The following SMAD6 variants were observed in gnomAD, a reference collection of about 807,000 sequenced individuals.
SMAD6 encodes the protein MAD homolog 6.
In SMAD6, 103 loss-of-function variants were observed where a neutral mutation model predicts 39.4. That is an observed-to-expected ratio of 2.62 (90% CI 2.23 to 3.08). SMAD6 has a LOEUF of 3.08. SMAD6 is among the 30% of genes most tolerant of loss of function. SMAD6 has a pLI of 0.00. For missense variants in SMAD6, 1,104 were observed against 742.9 expected, an observed-to-expected ratio of 1.49 and a Z score of -5.65; for synonymous variants, 445 against 353.3, an observed-to-expected ratio of 1.26 and a Z score of -2.91.
chr15:66,711,585 G>A, intron 1 of SMAD6, 83 bp from the exon 2 acceptor site: 4 of 1,070,254 alleles, frequency 3.7e-6, no homozygotes, highest in Non-Finnish European at 5.8e-6. Flanking sequence ...TTATTATTTG[G>A]GAAACCAGTA....
rs144403747 is a variant in SMAD6 at position 66,716,485 on chromosome 15, G to A, written c.939G>A (p.Pro313=). The part of the protein sequence containing the change: ...TEATNSLITA[P]GEFSDASMSP... ...CTACCAACTCCCTCATCACTGCTCCGGGTGAATTCTCAGGTCAGCATTTTT... is the reference window on the plus strand; with the variant it reads ...CTACCAACTCCCTCATCACTGCTCCAGGTGAATTCTCAGGTCAGCATTTTT... The change falls in exon 3 of 4, where the codon CCG becomes CCA. Residue 313 remains proline (P), a synonymous_variant. Coordinates refer to ENST00000288840, the MANE Select transcript of SMAD6 (RefSeq NM_005585.5). 3.3e-5 allele frequency: 53 copies of A among 1,612,508 alleles called. No homozygotes were observed. The African/African-American group carries it at 3.9e-4, about 12-fold the overall frequency.
rs1191945140 is a variant in SMAD6 at position 66,711,166 on chromosome 15, T to C, written c.818-502T>C. The stretch of plus-strand genomic sequence containing the variant: ...CCCAATATTGAAAGGGACACACTTA[T>C]ACTACAAAATGATGCCATGTTTATC... On this transcript the variant is annotated intron_variant, in intron 1 of 3. Coordinates refer to ENST00000288840, the MANE Select transcript of SMAD6 (RefSeq NM_005585.5). 2.6e-5 allele frequency among the ~76,000 whole-genome samples: 4 copies of C among 152,246 alleles called. No homozygotes were observed. In the East Asian group the frequency reaches 7.7e-4, roughly 29 times the overall value.
intron 3 of SMAD6, among the ~76,000 whole-genome samples, chr15:66,734,463 G>C (rs767507270): frequency 9.8e-5 from 15 of 152,332 alleles, no homozygotes; most frequent in Non-Finnish European, 2.1e-4. Context: ...TCGAGGGAGG[G>C]GAAGAGCCTT....
chr15:66,715,364 A>T lies in SMAD6; in HGVS notation c.875-1057A>T, dbSNP rs951137632. 7.2e-5 allele frequency among the ~76,000 whole-genome samples: 11 copies of T among 152,028 alleles called. No individual in the cohort carries two copies. The South Asian group carries it at 1.2e-3, about 17-fold the overall frequency. Reference sequence around the variant, plus strand: ...CAAGCCATGTGGTAAAAGGATAAAAAGTTCCTGCAGGATCAAATGGAATTC... The same window carrying T: ...CAAGCCATGTGGTAAAAGGATAAAATGTTCCTGCAGGATCAAATGGAATTC... On this transcript the variant is annotated intron_variant, in intron 2 of 3. Transcript: ENST00000288840.
At chr15:66,707,002 G>C (rs1185703334) in intron 1 of SMAD6, 3 of 152,318 alleles carry the variant, frequency 2.0e-5, no homozygotes, top group Non-Finnish European at 4.4e-5. Context: ...GGCTTGTCTC[G>C]GAAACTGGGG....
At chr15:66,737,541 G>C (rs1164773453) in intron 3 of SMAD6, among the ~76,000 whole-genome samples, 1 of 152,162 alleles carries the variant, frequency 6.6e-6, no homozygotes, top group Non-Finnish European at 1.5e-5. Context: ...GAAGGAGGAA[G>C]GGTTTTGTTG....
At chr15:66,767,823 A>T (rs1894313845) in intron 3 of SMAD6, among the ~76,000 whole-genome samples, 2 of 152,228 alleles carry the variant, frequency 1.3e-5, no homozygotes, top group Admixed American at 6.5e-5. Flanking sequence ...AGGCCTCTGC[A>T]TTCACCAGAG....
intron 3 of SMAD6, among the ~76,000 whole-genome samples, chr15:66,759,773 G>A (rs1382338813): frequency 1.3e-5 from 2 of 152,236 alleles, no homozygotes; most frequent in Non-Finnish European, 2.9e-5. Context: ...TTGTCTTCTA[G>A]TATTATTCAC....
chr15:66,748,722 T>G (rs1458547406), intron 3 of SMAD6, among the ~76,000 whole-genome samples: 1 of 152,174 alleles, frequency 6.6e-6, no homozygotes, highest in Non-Finnish European at 1.5e-5. Context: ...TCCCCAGGCT[T>G]TTCCCCTTCC....
In SMAD6 at chr15:66,715,941, G is replaced by T. The variant is rs78097770; in HGVS notation, c.875-480G>T. On this transcript the variant is annotated intron_variant, in intron 2 of 3. Transcript: ENST00000288840. ...GTGTAAGCGGGACAGAGTGAGGACG[G>T]CTGGTGACTTGTTAAAACAGTTTCC... is the stretch of plus-strand genomic sequence containing the variant. Among the ~76,000 whole-genome samples the T allele has an allele frequency of 7.3e-4, 111 of 152,216 alleles. 4 individuals carry two copies. In the East Asian group the frequency reaches 0.019, roughly 26 times the overall value.
chr15:66,709,403 C>T (rs538033588), intron 1 of SMAD6, among the ~76,000 whole-genome samples: 1 of 152,308 alleles, frequency 6.6e-6, no homozygotes, highest in African/African-American at 2.4e-5. Context: ...CAACTCAAGG[C>T]CCAGGTAGCT....
chr15:66,756,842 G>T lies in SMAD6; in HGVS notation c.953-24155G>T, dbSNP rs542194626. On this transcript the variant is annotated intron_variant, in intron 3 of 3. Coordinates refer to ENST00000288840, the MANE Select transcript of SMAD6 (RefSeq NM_005585.5). ...CAGAGGTGAGGGTGGAGGATGGGAG[G>T]GAGATGCTCCCCTTGTGTCTGTTTT... Among the ~76,000 whole-genome samples the T allele has an allele frequency of 2.0e-5, 3 of 152,348 alleles. No homozygotes were observed. In the South Asian group the frequency reaches 6.2e-4, roughly 32 times the overall value.
chr15:66,727,709 C>G (rs551704793), intron 3 of SMAD6, among the ~76,000 whole-genome samples: 1 of 152,168 alleles, frequency 6.6e-6, no homozygotes, highest in Non-Finnish European at 1.5e-5. Context: ...AATTGATACA[C>G]GGATGACTGT....
At position 66,703,723 on chromosome 15, in the gene SMAD6, C is replaced by A; in HGVS notation, c.465C>A (p.Gly155=). ...LAGAALEPAG[G]GRSREARSRL... ...GGGCGGCCCTGGAGCCGGCGGGCGG[C>A]GGGCGGAGTCGCGAAGCGCGCTCGC... Residue 155 remains glycine, a synonymous_variant, in exon 1 of 4, where the codon GGC becomes GGA. Transcript: ENST00000288840. The A allele has an allele frequency of 7.4e-7, 1 of 1,350,496 alleles. No individual in the cohort carries two copies. Among genetic ancestry groups the A allele is most frequent in the South Asian group, 1.8e-5 (1 of 56,942 alleles). 83.7% of individuals were successfully genotyped at this position (1,350,496 alleles called of 1,614,324 possible).
intron 3 of SMAD6, among the ~76,000 whole-genome samples, chr15:66,776,840 G>T (rs554372123): frequency 2.6e-5 from 4 of 152,330 alleles, no homozygotes; most frequent in Admixed American, 2.6e-4. Flanking sequence ...GGGAAACCAA[G>T]ACAGGCAGAT....
intron 3 of SMAD6, among the ~76,000 whole-genome samples, chr15:66,759,336 AAG>A (rs5813403): frequency 0.5 from 75,573 of 149,954 alleles, 19,258 homozygotes; most frequent in East Asian, 0.74. Flanking sequence ...GACAGAGAGG[AAG>A]AGAGAGAGAG....
chr15:66,764,950 C>T (rs1894263825), intron 3 of SMAD6, among the ~76,000 whole-genome samples: 1 of 152,138 alleles, frequency 6.6e-6, no homozygotes, highest in Non-Finnish European at 1.5e-5. Flanking sequence ...GTTTCACCGC[C>T]ATAGGGCTCC....
intron 3 of SMAD6, among the ~76,000 whole-genome samples, chr15:66,775,180 G>A (rs766072377): frequency 1.8e-4 from 28 of 152,090 alleles, no homozygotes; most frequent in African/African-American, 6.7e-4. Flanking sequence ...GATTTACGTC[G>A]CCGTAGATTA....
In SMAD6 at chr15:66,757,165, G is replaced by A. The variant is rs1250539325; in HGVS notation, c.953-23832G>A. On this transcript the variant is annotated intron_variant, in intron 3 of 3. Transcript: ENST00000288840. ...TCATGCCATAAGGATCTAATAGAGC[G>A]GGCTGGTGTGAGACACGCAAAACAC... Among the ~76,000 whole-genome samples, 4 of 152,208 alleles carry A rather than the reference G, an allele frequency of 2.6e-5. No homozygotes were observed. In the South Asian group the frequency reaches 6.2e-4, roughly 24 times the overall value.
Sources: gnomAD v4.1 joint callset for allele counts (sites outside exome capture counted in the v4.1 genomes callset) on GRCh38, gnomAD v4.1.1 for gene constraint, MANE v1.5 for transcripts, NCBI Gene and HGNC (gene_info 2026-07-23, HGNC 2026-07-21) for gene names.